OR1J2: variants seen among roughly 807,000 people sequenced by gnomAD.
The protein encoded by OR1J2 is olfactory receptor 1J2.
For missense variants in OR1J2, 304 were observed against 246.1 expected, an observed-to-expected ratio of 1.24 and a Z score of -1.57; for synonymous variants, 142 against 99.7, an observed-to-expected ratio of 1.42 and a Z score of -2.52.
chr9:122,536,226 TACA>T, the OR1J2 span, among the ~76,000 whole-genome samples: 4 of 152,106 alleles, frequency 2.6e-5, no homozygotes, highest in African/African-American at 9.7e-5. Flanking sequence ...GCTGCCCCCT[TACA>T]ACAAGGTTCC....
chr9:122,541,307 C>CA, the OR1J2 span, among the ~76,000 whole-genome samples: 8 of 152,168 alleles, frequency 5.3e-5, no homozygotes, highest in Non-Finnish European at 1.0e-4. Flanking sequence ...TGATCAACAC[C>CA]AAAAAATCCT....
At chr9:122,518,819 A>G in the OR1J2 span, among the ~76,000 whole-genome samples, 8 of 152,238 alleles carry the variant, frequency 5.3e-5, no homozygotes, top group African/African-American at 1.9e-4. Context: ...TGTTTTTAAA[A>G]GTACATAAAC....
chr9:122,478,735 C>A, the OR1J2 span, among the ~76,000 whole-genome samples: 1 of 152,078 alleles, frequency 6.6e-6, no homozygotes, highest in Non-Finnish European at 1.5e-5. Flanking sequence ...GATAGAAAAT[C>A]TTTCTTATGG....
At chr9:122,493,363 T>C in the OR1J2 span, among the ~76,000 whole-genome samples, 1 of 152,094 alleles carries the variant, frequency 6.6e-6, no homozygotes, top group Non-Finnish European at 1.5e-5. Context: ...TTTTAAAAAT[T>C]ACCATTTCAA....
At chr9:122,544,196 A>AT in the OR1J2 span, among the ~76,000 whole-genome samples, 3 of 151,684 alleles carry the variant, frequency 2.0e-5, no homozygotes, top group South Asian at 2.1e-4. Flanking sequence ...TTTAAATTTA[A>AT]TTTTTTTTAA....
At chr9:122,572,227 G>A in the OR1J2 span, among the ~76,000 whole-genome samples, 235 of 152,254 alleles carry the variant, frequency 1.5e-3, 1 homozygote, top group African/African-American at 5.4e-3. Context: ...CTTCAACACT[G>A]GAGATTAAAA....
At chr9:122,565,120 C>T in the OR1J2 span, among the ~76,000 whole-genome samples, 1 of 152,114 alleles carries the variant, frequency 6.6e-6, no homozygotes. Flanking sequence ...GGTGTCTGGC[C>T]CCTCTTACAC....
chr9:122,520,066 C>T, the OR1J2 span: 28 of 1,611,592 alleles, frequency 1.7e-5, no homozygotes, highest in African/African-American at 3.5e-4. Flanking sequence ...AACAGGGCAA[C>T]AGTCTTATCT....
At chr9:122,546,080 AGGAACC>A in the OR1J2 span, among the ~76,000 whole-genome samples, 1 of 152,084 alleles carries the variant, frequency 6.6e-6, no homozygotes, top group Non-Finnish European at 1.5e-5. Flanking sequence ...TCAGATTGAG[AGGAACC>A]GTACACAGGG....
chr9:122,559,661 A>G, the OR1J2 span, among the ~76,000 whole-genome samples: 1 of 151,086 alleles, frequency 6.6e-6, no homozygotes, highest in East Asian at 2.0e-4. Context: ...CTTGAGTTCT[A>G]ATTTGATTTC....
the OR1J2 span, among the ~76,000 whole-genome samples, chr9:122,537,817 G>A: frequency 2.0e-5 from 3 of 152,148 alleles, no homozygotes; most frequent in African/African-American, 7.2e-5. Flanking sequence ...AAGGTTAATA[G>A]GCAAAAGGAA....
At chr9:122,549,025 A>AC in the OR1J2 span, among the ~76,000 whole-genome samples, 5 of 151,848 alleles carry the variant, frequency 3.3e-5, no homozygotes, top group Non-Finnish European at 5.9e-5. Context: ...TTGAGGTGTT[A>AC]GTCATGAATT....
the OR1J2 span, among the ~76,000 whole-genome samples, chr9:122,455,301 C>T: frequency 2.8e-4 from 43 of 152,322 alleles, no homozygotes; most frequent in Middle Eastern, 6.8e-3. Flanking sequence ...CTATTGTCCA[C>T]ACTGTCCATA....
At chr9:122,510,638 A>G (rs181303662), upstream of OR1J2, among the ~76,000 whole-genome samples, 49 of 152,010 alleles carry the variant, frequency 3.2e-4, no homozygotes, top group African/African-American at 1.1e-3. Flanking sequence ...ATTTTTTCTG[A>G]TGCTCTTCCT....
chr9:122,518,948 C>T, the OR1J2 span, among the ~76,000 whole-genome samples: 4 of 152,168 alleles, frequency 2.6e-5, no homozygotes, highest in South Asian at 2.1e-4. Context: ...ACTCTCTTGG[C>T]GAATTATCCC....
chr9:122,544,587 A>G, the OR1J2 span, among the ~76,000 whole-genome samples: 1 of 151,712 alleles, frequency 6.6e-6, no homozygotes, highest in African/African-American at 2.4e-5. Flanking sequence ...TGCCTGGCTA[A>G]TTTTGTATTT....
chr9:122,567,948 TG>T, the OR1J2 span: 2 of 1,613,920 alleles, frequency 1.2e-6, no homozygotes, highest in Non-Finnish European at 1.7e-6. Flanking sequence ...ACAGAGAAAG[TG>T]GTGGATAACA....
At chr9:122,524,537 C>T in the OR1J2 span, among the ~76,000 whole-genome samples, 1 of 152,134 alleles carries the variant, frequency 6.6e-6, no homozygotes, top group African/African-American at 2.4e-5. Flanking sequence ...CTAACGGCCA[C>T]AGAATTATAT....
chr9:122,447,975 G>A, the OR1J2 span, among the ~76,000 whole-genome samples: 1 of 152,130 alleles, frequency 6.6e-6, no homozygotes, highest in Non-Finnish European at 1.5e-5. Flanking sequence ...CTTGTCAGGT[G>A]GGATGAGAGA....
Sources: gnomAD v4.1 joint callset for allele counts (sites outside exome capture counted in the v4.1 genomes callset) on GRCh38, gnomAD v4.1.1 for gene constraint, MANE v1.5 for transcripts, NCBI Gene and HGNC (gene_info 2026-07-23, HGNC 2026-07-21) for gene names.